The following CAPN1 variants were observed in gnomAD, a reference collection of about 807,000 sequenced individuals.
CAPN1 encodes the protein calpain 1, also known as calpain-1 catalytic subunit.
CAPN1 carries 77 observed loss-of-function variants against 105.2 expected under a neutral mutation model. The ratio of observed to expected loss-of-function variants is 0.73; its 90% CI spans 0.61 to 0.88. The LOEUF (loss-of-function observed/expected upper bound fraction) is 0.88. Ranked by LOEUF, CAPN1 falls within the 40% of genes least tolerant of loss-of-function variation. The pLI is 0.00. For synonymous variants in CAPN1, 355 were observed against 388.8 expected, an observed-to-expected ratio of 0.91 and a Z score of 1.02; for missense variants, 833 against 976.6, an observed-to-expected ratio of 0.85 and a Z score of 1.96.
rs373594509 is a variant in CAPN1 at position 65,208,308 on chromosome 11, A to G, written c.1729+46A>G. ...CCCACCACCCCACCATTTCTTCCAC[A>G]TCAGAATCCAGGCTCCTGCTCACAC... On this transcript the variant is annotated intron_variant, in intron 16 of 21. Coordinates refer to ENST00000279247, the MANE Select transcript of CAPN1 (RefSeq NM_005186.4). This position sits in a 1 kb window ranked among gnomAD's most constrained non-coding sequence, Gnocchi z 4.1. 156 of 1,508,238 alleles carry G rather than the reference A, an allele frequency of 1.0e-4. 1 individual carries two copies. In the African/African-American group the frequency reaches 1.9e-3, roughly 18 times the overall value. 93.4% of individuals were successfully genotyped at this position (1,508,238 alleles called of 1,614,324 possible). A position where few individuals can be genotyped will look rare whatever the true frequency, so the allele number is the denominator to read the frequency against.
In CAPN1 at chr11:65,210,791, A is replaced by G. The variant is rs1020959794; in HGVS notation, c.2060-23A>G. Reference sequence around the variant, plus strand: ...TATCCCACTGAGTTTTCAGCCCTGTATCACCTTTTCTTGAACACACAGGAT... The same window carrying G: ...TATCCCACTGAGTTTTCAGCCCTGTGTCACCTTTTCTTGAACACACAGGAT... On this transcript the variant is annotated intron_variant, in intron 20 of 21. Transcript: ENST00000279247. This position sits in a 1 kb window ranked among gnomAD's most constrained non-coding sequence, Gnocchi z 4.3. 1.2e-6 allele frequency: 2 copies of G among 1,606,138 alleles called. No individual in the cohort carries two copies. Among genetic ancestry groups the G allele is most frequent in the African/African-American group, 1.3e-5 (1 of 74,824 alleles).
At chr11:65,190,650 G>A (rs948451732) in intron 10 of CAPN1, among the ~76,000 whole-genome samples, 1 of 152,040 alleles carries the variant, frequency 6.6e-6, no homozygotes, top group Non-Finnish European at 1.5e-5. Flanking sequence ...TCCTGCTGTT[G>A]GACAGGGCAA....
chr11:65,209,197 C>T lies in CAPN1; in HGVS notation c.1730-126C>T, dbSNP rs1949006492. 1 of 706,166 alleles carries T rather than the reference C, an allele frequency of 1.4e-6. No individual in the cohort carries two copies. Among genetic ancestry groups the T allele is most frequent in the East Asian group, 2.7e-5 (1 of 36,778 alleles). 43.7% of individuals were successfully genotyped at this position (706,166 alleles called of 1,614,324 possible). A position where few individuals can be genotyped will look rare whatever the true frequency, so the allele number is the denominator to read the frequency against. ...ATACAAACAATCCTGCCCACTTCCT[C>T]TGCCAGATATTGCACCCACTCGTCA... On this transcript the variant is annotated intron_variant, in intron 16 of 21. Coordinates refer to ENST00000279247, the MANE Select transcript of CAPN1 (RefSeq NM_005186.4). The surrounding 1 kb of genome is among the most constrained non-coding windows in gnomAD (Gnocchi z 4.1).
At chr11:65,189,707 C>T (rs1020045287) in intron 10 of CAPN1, among the ~76,000 whole-genome samples, 8 of 152,194 alleles carry the variant, frequency 5.3e-5, no homozygotes, top group African/African-American at 1.9e-4. Context: ...AAACCCATCT[C>T]CACTGGCTTG....
chr11:65,184,189 A>C (rs1212563950), intron 4 of CAPN1, among the ~76,000 whole-genome samples: 1 of 151,992 alleles, frequency 6.6e-6, no homozygotes, highest in Non-Finnish European at 1.5e-5. Flanking sequence ...CCCTGCCCGA[A>C]GGACTCTTGG....
upstream of CAPN1, chr11:65,181,910 A>G (rs1948539267): frequency 7.2e-6 from 1 of 139,352 alleles, no homozygotes; most frequent in South Asian, 1.1e-4. This position sits in a 1 kb window ranked among gnomAD's most constrained non-coding sequence, Gnocchi z 4.6. Flanking sequence ...GGGCGGCGGG[A>G]GGAGGGCGGG....
intron 14 of CAPN1, among the ~76,000 whole-genome samples, chr11:65,207,525 G>A (rs11227154): frequency 0.15 from 22,420 of 151,826 alleles, 2,150 homozygotes; most frequent in East Asian, 0.27. Context: ...TACTCACTGA[G>A]CTGAACAGCA....
chr11:65,188,127 C>G lies in CAPN1; in HGVS notation c.929+87C>G. On this transcript the variant is annotated intron_variant, in intron 8 of 21. Transcript: ENST00000279247. This position sits in a 1 kb window ranked among gnomAD's most constrained non-coding sequence, Gnocchi z 5.5. ...CTGCTCGGGACTCTACCAGGCCAGG[C>G]TGGACTCAGGATTGAGCAGAGGGGC... 1 of 985,384 alleles carries G rather than the reference C, an allele frequency of 1.0e-6. No individual in the cohort carries two copies. Among genetic ancestry groups the G allele is most frequent in the Non-Finnish European group, 1.5e-6 (1 of 663,926 alleles). The allele number at this position is 985,384 out of a possible 1,614,324, so 61.0% of individuals were successfully genotyped here.
At chr11:65,181,676 C>G (rs1176025138), upstream of CAPN1, 2 of 341,684 alleles carry the variant, frequency 5.9e-6, no homozygotes, top group Admixed American at 3.4e-5. The surrounding 1 kb of genome is among the most constrained non-coding windows in gnomAD (Gnocchi z 4.6). Context: ...CCAGCCCCCC[C>G]ATCCCCCCCC....
chr11:65,210,704 G>C lies in CAPN1; in HGVS notation c.2060-110G>C. 1.1e-6 allele frequency: 1 copy of C among 890,504 alleles called. No homozygotes were observed. Among genetic ancestry groups the C allele is most frequent in the Non-Finnish European group, 1.9e-6 (1 of 525,638 alleles). The allele number at this position is 890,504 out of a possible 1,614,324, so 55.2% of individuals were successfully genotyped here. On this transcript the variant is annotated intron_variant, in intron 20 of 21. Transcript: ENST00000279247. The surrounding 1 kb of genome is among the most constrained non-coding windows in gnomAD (Gnocchi z 4.3). The stretch of plus-strand genomic sequence containing the variant: ...CCAGCTTCAAGGGGTGTCAGCTTGC[G>C]GTACTGTGGGGAGGTAGAGAGGGAC...
Position 65,182,765 on chromosome 11 carries a change from C to T in CAPN1, c.64C>T (p.Arg22Trp), listed in dbSNP as rs1565385504. ...TGVSAQVQKQ[R>W]ARELGLGRHE... The stretch of plus-strand genomic sequence containing the variant: ...GGTGTCAGCCCAAGTGCAGAAGCAG[C>T]GGGCCAGGGAGCTGGGCCTGGGCCG... Residue 22 changes from arginine (R) to tryptophan (W), a missense_variant, in exon 2 of 22, where the codon CGG becomes TGG. Transcript: ENST00000279247. 4 of 1,580,762 alleles carry T rather than the reference C, an allele frequency of 2.5e-6. No homozygotes were observed. Among genetic ancestry groups the T allele is most frequent in the Admixed American group, 3.7e-5 (2 of 54,378 alleles).
In CAPN1 at chr11:65,208,408, AT is replaced by A; in HGVS notation, c.1729+149del. On this transcript the variant is annotated intron_variant, in intron 16 of 21. Coordinates refer to ENST00000279247, the MANE Select transcript of CAPN1 (RefSeq NM_005186.4). The surrounding 1 kb of genome is among the most constrained non-coding windows in gnomAD (Gnocchi z 4.1). Reference sequence around the variant, plus strand: ...GTTTTTCTGAGCCCAGTTCCCTGCCATTTCCATCCCATACTCCTCCTCCTGA... The same window carrying A: ...GTTTTTCTGAGCCCAGTTCCCTGCCATTCCATCCCATACTCCTCCTCCTGA... 1 of 749,556 alleles carries A rather than the reference AT, an allele frequency of 1.3e-6. No homozygotes were observed. The highest frequency in any genetic ancestry group is 2.3e-6 in the Non-Finnish European group (1 of 437,606). 46.4% of individuals were successfully genotyped at this position (749,556 alleles called of 1,614,324 possible). A position where few individuals can be genotyped will look rare whatever the true frequency, so the allele number is the denominator to read the frequency against.
At chr11:65,201,185 C>T (rs1353121942) in intron 10 of CAPN1, among the ~76,000 whole-genome samples, 1 of 151,684 alleles carries the variant, frequency 6.6e-6, no homozygotes, top group African/African-American at 2.4e-5. Flanking sequence ...ACCTCATGAT[C>T]CGCCCATCTT....
chr11:65,192,466 G>T (rs1182678315), intron 10 of CAPN1, among the ~76,000 whole-genome samples: 1 of 152,110 alleles, frequency 6.6e-6, no homozygotes, highest in African/African-American at 2.4e-5. Flanking sequence ...TTTGTTGCTT[G>T]AATGGTTGGT....
At chr11:65,186,836 A>G (rs1000933530) in intron 6 of CAPN1, among the ~76,000 whole-genome samples, 3 of 152,074 alleles carry the variant, frequency 2.0e-5, no homozygotes, top group Admixed American at 6.6e-5. Flanking sequence ...TCCCATTTCT[A>G]ACTGACTCTT....
intron 1 of CAPN1, 86 bp downstream of exon 1, chr11:65,182,099 C>A (rs1948542719): frequency 9.6e-6 from 1 of 104,666 alleles, no homozygotes; most frequent in African/African-American, 3.4e-5. Flanking sequence ...GGTCCCTTCT[C>A]GGGGGCCTCT....
intron 10 of CAPN1, among the ~76,000 whole-genome samples, chr11:65,200,633 G>A (rs34888828): frequency 0.071 from 10,728 of 151,826 alleles, 549 homozygotes; most frequent in East Asian, 0.12. Flanking sequence ...GTGAGCCACC[G>A]TGCCCGGCCG....
chr11:65,190,012 C>T (rs894274847), intron 10 of CAPN1, among the ~76,000 whole-genome samples: 12 of 152,174 alleles, frequency 7.9e-5, no homozygotes, highest in Non-Finnish European at 1.3e-4. Flanking sequence ...TCCCCACCTG[C>T]GACAGTGGCA....
intron 10 of CAPN1, among the ~76,000 whole-genome samples, chr11:65,193,206 T>G (rs1948743755): frequency 6.7e-6 from 1 of 149,672 alleles, no homozygotes; most frequent in Non-Finnish European, 1.5e-5. Context: ...GTCTCGATCA[T>G]CTGACCTTGT....
Sources: allele counts gnomAD v4.1 joint callset (sites outside exome capture counted in the v4.1 genomes callset), GRCh38; gene constraint gnomAD v4.1.1; non-coding constraint Gnocchi (gnomAD v3.1); transcripts MANE v1.5; gene names NCBI Gene and HGNC (gene_info 2026-07-23, HGNC 2026-07-21).